The following TBC1D30 variants were observed in gnomAD, a reference collection of about 807,000 sequenced individuals.
TBC1D30 encodes TBC1 domain family member 30.
TBC1D30 carries 31 observed loss-of-function variants against 63.2 expected under a neutral mutation model. That is an observed-to-expected ratio of 0.49 (90% CI 0.37 to 0.66). TBC1D30 has a LOEUF of 0.66. Ranked by LOEUF, TBC1D30 falls within the 30% of genes least tolerant of loss-of-function variation. The pLI, the probability that TBC1D30 is intolerant of heterozygous loss-of-function variation, is 0.00. For synonymous variants in TBC1D30, 307 were observed against 361.5 expected, an observed-to-expected ratio of 0.85 and a Z score of 1.71; for missense variants, 810 against 953.6, an observed-to-expected ratio of 0.85 and a Z score of 1.98.
intron 1 of TBC1D30, among the ~76,000 whole-genome samples, chr12:64,784,097 T>A (rs1161501695): frequency 1.3e-5 from 2 of 152,016 alleles, no homozygotes; most frequent in African/African-American, 4.8e-5. Context: ...CTTTTCATTA[T>A]ATCCTACTAT....
intron 8 of TBC1D30, among the ~76,000 whole-genome samples, chr12:64,863,792 C>A (rs1479052342): frequency 2.6e-5 from 4 of 152,202 alleles, no homozygotes; most frequent in Non-Finnish European, 5.9e-5. Flanking sequence ...TTCATAAAAA[C>A]AGTCCTGCTG....
intron 2 of TBC1D30, among the ~76,000 whole-genome samples, chr12:64,814,367 T>G (rs944197839): frequency 7.9e-5 from 12 of 151,962 alleles, no homozygotes; most frequent in African/African-American, 2.9e-4. Context: ...CATTTCTAAA[T>G]GTCAAATCAG....
chr12:64,799,644 A>G (rs973986669), intron 2 of TBC1D30, among the ~76,000 whole-genome samples: 1 of 152,236 alleles, frequency 6.6e-6, no homozygotes, highest in African/African-American at 2.4e-5. Context: ...ATGCAAGAAG[A>G]GTGCTCTTCC....
rs11175542 is a variant in TBC1D30 at position 64,769,676 on chromosome 12, G to A, written c.-376+10027G>A. Among the ~76,000 whole-genome samples, 1,307 of 151,256 alleles carry A rather than the reference G, an allele frequency of 8.6e-3. 11 individuals carry two copies. Among genetic ancestry groups the A allele is most frequent in the Middle Eastern group, 0.02 (6 of 294 alleles). On this transcript the variant is annotated intron_variant, in intron 1 of 13. Transcript: ENST00000674237. ...GCTGGGATTACAGGTGTGAGCCACC[G>A]CACCTGGCCTAATTTTTGTATTTTT...
At chr12:64,825,938 A>G (rs1018759045) in intron 1 of TBC1D30, among the ~76,000 whole-genome samples, 13 of 152,288 alleles carry the variant, frequency 8.5e-5, no homozygotes, top group African/African-American at 3.1e-4. Context: ...CCGCAGGAGA[A>G]TCGAGCTGCA....
In TBC1D30 at chr12:64,879,625, G is replaced by A. The variant is rs1879329167; in HGVS notation, c.*3837G>A. The A allele has an allele frequency of 6.6e-6, 1 of 152,090 alleles. No homozygotes were observed. Among genetic ancestry groups the A allele is most frequent in the Non-Finnish European group, 1.5e-5 (1 of 68,024 alleles). The allele number at this position is 152,090 out of a possible 1,614,324, so 9.4% of individuals were successfully genotyped here. On this transcript the variant is annotated 3_prime_UTR_variant, in exon 12 of 12. Coordinates refer to ENST00000539867, the MANE Select transcript of TBC1D30 (RefSeq NM_015279.2). ...AAGTGCCAACAGAAGTGTTTTAGAA[G>A]CAGTGATAATGAACACTCATAACAC...
chr12:64,812,589 A>T (rs1270570311), intron 2 of TBC1D30, among the ~76,000 whole-genome samples: 1 of 152,234 alleles, frequency 6.6e-6, no homozygotes, highest in Non-Finnish European at 1.5e-5. Flanking sequence ...TGTATTCAAG[A>T]CCAGACCTTT....
intron 8 of TBC1D30, among the ~76,000 whole-genome samples, chr12:64,861,543 C>T (rs973086817): frequency 2.5e-4 from 38 of 152,242 alleles, no homozygotes; most frequent in South Asian, 8.3e-4. Context: ...GTTCTAAGTG[C>T]CATACTGAAA....
intron 11 of TBC1D30, 75 bp from the exon 12 acceptor site, chr12:64,874,926 C>T: frequency 2.1e-6 from 3 of 1,402,732 alleles, no homozygotes; most frequent in Non-Finnish European, 2.9e-6. Flanking sequence ...GGGAGGACCT[C>T]TAAGTGATTT....
intron 2 of TBC1D30, among the ~76,000 whole-genome samples, chr12:64,816,402 A>T (rs1006376281): frequency 1.4e-4 from 22 of 152,342 alleles, no homozygotes; most frequent in African/African-American, 5.1e-4. Context: ...GAGGACTGAC[A>T]CCAAAAGGAT....
At chr12:64,780,617 G>A (rs1028654652) in exon 1 of TBC1D30, among the ~76,000 whole-genome samples, 10 of 152,210 alleles carry the variant, frequency 6.6e-5, no homozygotes, top group African/African-American at 1.4e-4. Flanking sequence ...CTTCTCGCCC[G>A]GTCCGGAGCG....
intron 11 of TBC1D30, among the ~76,000 whole-genome samples, chr12:64,873,180 C>G (rs73121494): frequency 2.6e-5 from 4 of 152,116 alleles, no homozygotes; most frequent in African/African-American, 7.2e-5. Flanking sequence ...TATCAGCTTC[C>G]GAAGTTAGGG....
At position 64,836,646 on chromosome 12, in the gene TBC1D30, A is replaced by G. The variant is rs982883440; in HGVS notation, c.751A>G (p.Lys251Glu). The change falls in exon 6 of 12, where the codon AAA (lysine) becomes GAA (glutamate). Residue 251 changes from lysine (K) to glutamate (E), a missense_variant. By Grantham distance (56) the Lys-to-Glu change is moderately conservative. Coordinates refer to ENST00000539867, the MANE Select transcript of TBC1D30 (RefSeq NM_015279.2). ...HLDTLQRTAN[K>E]ESGGGYEPPL... ...GGATACTCTTCAGAGAACTGCAAAC[A>G]AAGAAAGTGGAGGTAGGTTTCAATG... 2.6e-6 allele frequency: 4 copies of G among 1,534,088 alleles called. No individual in the cohort carries two copies. Among genetic ancestry groups the G allele is most frequent in the Non-Finnish European group, 3.5e-6 (4 of 1,145,512 alleles).
chr12:64,865,179 A>T (rs751375874), intron 9 of TBC1D30, among the ~76,000 whole-genome samples: 3 of 150,598 alleles, frequency 2.0e-5, no homozygotes, highest in Non-Finnish European at 2.9e-5. Context: ...GTGAAAAGTT[A>T]TACTGTTTGG....
chr12:64,783,561 C>T (rs985924772), intron 1 of TBC1D30, among the ~76,000 whole-genome samples: 5 of 151,902 alleles, frequency 3.3e-5, no homozygotes, highest in Admixed American at 1.3e-4. Context: ...AGGCTATGGC[C>T]GATGTCATGG....
intron 1 of TBC1D30, among the ~76,000 whole-genome samples, 168 bp from the exon 2 acceptor site, chr12:64,827,667 T>G (rs1417816871): frequency 1.3e-5 from 2 of 152,202 alleles, no homozygotes; most frequent in Non-Finnish European, 2.9e-5. Context: ...TTTTCCTATT[T>G]TAAGAATCAA....
intron 9 of TBC1D30, 46 bp downstream of exon 9, chr12:64,864,826 T>C: frequency 2.4e-6 from 3 of 1,274,214 alleles, no homozygotes; most frequent in South Asian, 1.3e-5. Flanking sequence ...GAGGACTTAA[T>C]ATCTTAATTT....
Position 64,843,486 on chromosome 12 carries a change from G to A in TBC1D30, c.1038+1G>A. On this transcript the variant is annotated splice_donor_variant, in intron 8 of 11. Transcript: ENST00000539867. LOFTEE classifies it high-confidence loss of function. ...TCTGCAAAGCCATGAACTCATGCAG[G>A]TGAGTCGGCAACATGGAGCAGCTTG... 6.5e-7 allele frequency: 1 copy of A among 1,535,694 alleles called. No individual in the cohort carries two copies. The highest frequency in any genetic ancestry group is 8.7e-7 in the Non-Finnish European group (1 of 1,146,536).
chr12:64,781,270 G>A (rs1871270026), exon 1 of TBC1D30: 2 of 1,149,340 alleles, frequency 1.7e-6, no homozygotes, highest in Non-Finnish European at 2.2e-6. Flanking sequence ...ATCAGATGCT[G>A]TACCTGCGGC....
Sources: gnomAD v4.1 joint callset for allele counts (sites outside exome capture counted in the v4.1 genomes callset) on GRCh38, gnomAD v4.1.1 for gene constraint, MANE v1.5 for transcripts, NCBI Gene and HGNC (gene_info 2026-07-23, HGNC 2026-07-21) for gene names.